The following C9orf72 variants were observed in gnomAD, a reference collection of about 807,000 sequenced individuals.
C9orf72 encodes C9orf72-SMCR8 complex subunit.
C9orf72 carries 44 observed loss-of-function variants against 51.6 expected under a neutral mutation model. The observed-to-expected ratio is 0.85, with a 90% confidence interval of 0.67 to 1.10. C9orf72 has a LOEUF of 1.10. Among genes scored for constraint, C9orf72 ranks in the 50% least tolerant of loss-of-function variants. C9orf72 has a pLI of 0.00. For missense variants in C9orf72, 607 were observed against 570.6 expected (o/e 1.06, Z -0.65); for synonymous variants, 213 against 194.2 (o/e 1.10, Z -0.81).
upstream of C9orf72, chr9:27,573,797 C>G (rs973960221): frequency 3.7e-4 from 56 of 152,424 alleles, no homozygotes; most frequent in African/African-American, 1.3e-3. Context: ...CAAGCGTCAT[C>G]TTTTACGTGG....
intron 1 of C9orf72, among the ~76,000 whole-genome samples, chr9:27,570,054 A>G (rs1819552315): frequency 6.6e-6 from 1 of 152,236 alleles, no homozygotes; most frequent in African/African-American, 2.4e-5. Flanking sequence ...GTTGAACACA[A>G]CGACAGTTTT....
intron 5 of C9orf72, 50 bp downstream of exon 5, chr9:27,561,535 A>AT: frequency 1.2e-6 from 2 of 1,605,052 alleles, no homozygotes; most frequent in African/African-American, 1.3e-5. Context: ...ATAGGTGAGC[A>AT]TAAGATGGTA....
intron 1 of C9orf72, 34 bp downstream of exon 1, chr9:27,573,397 C>G (rs1404742110): frequency 6.6e-6 from 1 of 152,610 alleles, no homozygotes; most frequent in East Asian, 1.9e-4. Context: ...GAACCCCAAA[C>G]AGCCACCCGC....
intron 1 of C9orf72, among the ~76,000 whole-genome samples, chr9:27,572,339 C>T (rs1327889188): frequency 6.6e-6 from 1 of 152,010 alleles, no homozygotes; most frequent in Non-Finnish European, 1.5e-5. Context: ...CAAATGACAC[C>T]GTATTTCAAG....
intron 8 of C9orf72, among the ~76,000 whole-genome samples, chr9:27,555,257 C>T (rs372213541): frequency 6.6e-6 from 1 of 152,168 alleles, no homozygotes; most frequent in African/African-American, 2.4e-5. Flanking sequence ...TTCTCAAGAA[C>T]CAATAAAAAC....
intron 8 of C9orf72, 108 bp from the exon 9 acceptor site, chr9:27,550,815 T>C (rs1032210024): frequency 2.3e-5 from 12 of 526,996 alleles, no homozygotes; most frequent in Non-Finnish European, 3.8e-5. Flanking sequence ...TAAGTTCTTA[T>C]AAATTGATAT....
In C9orf72 at chr9:27,556,476, A is replaced by C; in HGVS notation, c.1091+85T>G. ...GCTGGTAATATTTCTTTCTTTTTAA[A>C]TGCAACTTCTGTTTTGTTTTTATTC... On this transcript the variant is annotated intron_variant, in intron 8 of 10. Coordinates refer to ENST00000380003, the MANE Select transcript of C9orf72 (RefSeq NM_018325.5). The C allele has an allele frequency of 3.5e-6, 3 of 849,346 alleles. No individual in the cohort carries two copies. The South Asian group carries it at 5.2e-5, about 15-fold the overall frequency. 52.6% of individuals were successfully genotyped at this position (849,346 alleles called of 1,614,324 possible).
chr9:27,566,397 G>C (rs528204396), intron 2 of C9orf72, among the ~76,000 whole-genome samples: 3 of 152,166 alleles, frequency 2.0e-5, no homozygotes, highest in East Asian at 3.9e-4. Context: ...AGAGTCAAAG[G>C]CTCCCAAGAA....
At chr9:27,550,942 G>A (rs1424384407) in intron 8 of C9orf72, among the ~76,000 whole-genome samples, 1 of 152,018 alleles carries the variant, frequency 6.6e-6, no homozygotes, top group Admixed American at 6.6e-5. Context: ...AGGCTAATAT[G>A]TAATTTTTTC....
intron 3 of C9orf72, among the ~76,000 whole-genome samples, chr9:27,564,399 A>G (rs1439658624): frequency 6.6e-6 from 1 of 152,184 alleles, no homozygotes; most frequent in Non-Finnish European, 1.5e-5. Context: ...AGTTGGTTCT[A>G]AGTTTCCTCA....
At position 27,555,572 on chromosome 9, in the gene C9orf72, T is replaced by G. The variant is rs1191289458; in HGVS notation, c.1091+989A>C. On this transcript the variant is annotated intron_variant, in intron 8 of 10. Transcript: ENST00000380003. Reference sequence around the variant, plus strand: ...TTATTGCAAGCATTTTTTTTTTTTTTTTTTTAAATAAGACAGAGTCTCGGT... The same window carrying G: ...TTATTGCAAGCATTTTTTTTTTTTTGTTTTTAAATAAGACAGAGTCTCGGT... Among the ~76,000 whole-genome samples the G allele has an allele frequency of 2.0e-5, 3 of 151,946 alleles. No homozygotes were observed. In the South Asian group the frequency reaches 6.3e-4, roughly 32 times the overall value.
chr9:27,567,531 G>C (rs1220669497), intron 1 of C9orf72, among the ~76,000 whole-genome samples: 1 of 152,160 alleles, frequency 6.6e-6, no homozygotes, highest in East Asian at 1.9e-4. Flanking sequence ...TATGACTGGA[G>C]ATTTGGCCCC....
intron 8 of C9orf72, among the ~76,000 whole-genome samples, chr9:27,552,087 C>T (rs1027256479): frequency 6.6e-6 from 1 of 152,182 alleles, no homozygotes; most frequent in Admixed American, 6.5e-5. Flanking sequence ...ATTATACTGC[C>T]TGCAAACAGA....
At chr9:27,565,203 C>T (rs185814192) in intron 3 of C9orf72, among the ~76,000 whole-genome samples, 62 of 150,718 alleles carry the variant, frequency 4.1e-4, no homozygotes, top group African/African-American at 1.5e-3. Context: ...GGGAAAGGTT[C>T]GAGAAGTAGT....
chr9:27,564,280 C>T (rs981617670), intron 3 of C9orf72, among the ~76,000 whole-genome samples: 2 of 151,124 alleles, frequency 1.3e-5, no homozygotes, highest in Non-Finnish European at 2.9e-5. Context: ...AGTAAGATAA[C>T]ATTTTTAAGA....
At chr9:27,556,894 T>C (rs1819213911) in intron 7 of C9orf72, 98 bp from the exon 8 acceptor site, 9 of 798,726 alleles carry the variant, frequency 1.1e-5, no homozygotes, top group Non-Finnish European at 1.8e-5. Flanking sequence ...AGCAAATCCA[T>C]CTCTAAAAAT....
rs190016845 is a variant in C9orf72, at chr9:27,565,016, G to T, written c.504+515C>A. On this transcript the variant is annotated intron_variant, in intron 3 of 10. Coordinates refer to ENST00000380003, the MANE Select transcript of C9orf72 (RefSeq NM_018325.5). ...ATGGCACATTTTCCTAGAGGAGAGG[G>T]TAAGAAATATCACTGACAAATTTTA... 4.6e-5 allele frequency among the ~76,000 whole-genome samples: 7 copies of T among 152,216 alleles called. No homozygotes were observed. In the East Asian group the frequency reaches 1.3e-3, roughly 29 times the overall value.
chr9:27,566,611 T>C (rs1819471507), intron 2 of C9orf72, 66 bp downstream of exon 2: 6 of 1,117,968 alleles, frequency 5.4e-6, no homozygotes, highest in Non-Finnish European at 7.7e-6. Context: ...ATAAGATTTA[T>C]ATGTACCAGA....
chr9:27,550,762 A>G, intron 8 of C9orf72, 55 bp from the exon 9 acceptor site: 1 of 964,474 alleles, frequency 1.0e-6, no homozygotes, highest in Non-Finnish European at 1.6e-6. Flanking sequence ...TGAAATGGCC[A>G]TATAATGCTA....
Sources: gnomAD v4.1 joint callset for allele counts (sites outside exome capture counted in the v4.1 genomes callset) on GRCh38, gnomAD v4.1.1 for gene constraint, MANE v1.5 for transcripts, NCBI Gene and HGNC (gene_info 2026-07-23, HGNC 2026-07-21) for gene names.